The following LNP1 variants were observed in gnomAD, a reference collection of about 807,000 sequenced individuals.
LNP1 encodes leukemia NUP98 fusion partner 1.
Under a neutral mutation model 14.5 loss-of-function variants are expected in LNP1, and 12 were observed. The ratio of observed to expected loss-of-function variants is 0.83; its 90% CI spans 0.53 to 1.34. LNP1 has a LOEUF of 1.34. Among genes scored for constraint, LNP1 ranks in the 40% most tolerant of loss-of-function variants. LNP1 has a pLI of 0.00. For synonymous variants in LNP1, 75 were observed against 71.4 expected (o/e 1.05, Z -0.26); for missense variants, 198 against 210.9 (o/e 0.94, Z 0.38).
chr3:100,443,653 G>C (rs1330704464), intron 2 of LNP1, among the ~76,000 whole-genome samples: 1 of 152,114 alleles, frequency 6.6e-6, no homozygotes, highest in African/African-American at 2.4e-5. Context: ...ACAAGTTTGC[G>C]GCCAGTTTTC....
At chr3:100,424,025 C>T (rs1230454813) in intron 1 of LNP1, among the ~76,000 whole-genome samples, 5 of 152,024 alleles carry the variant, frequency 3.3e-5, no homozygotes, top group African/African-American at 9.7e-5. Context: ...TTTTGCTGCC[C>T]CATGTTTGTT....
intron 1 of LNP1, among the ~76,000 whole-genome samples, chr3:100,428,615 G>A (rs931428791): frequency 2.0e-5 from 3 of 151,604 alleles, no homozygotes; most frequent in African/African-American, 7.3e-5. Flanking sequence ...TTCCATAAAT[G>A]TAATATTCTC....
intron 1 of LNP1, among the ~76,000 whole-genome samples, chr3:100,429,474 A>C (rs1208699448): frequency 6.6e-6 from 1 of 152,236 alleles, no homozygotes. Context: ...AAAGCCTCTC[A>C]ATTTAAAAAG....
chr3:100,447,208 A>T (rs1373975033), intron 2 of LNP1, among the ~76,000 whole-genome samples: 1 of 152,260 alleles, frequency 6.6e-6, no homozygotes, highest in Non-Finnish European at 1.5e-5. Context: ...CCAAATGTCC[A>T]TCAGCGATAG....
intron 2 of LNP1, among the ~76,000 whole-genome samples, chr3:100,439,523 T>C (rs1034350701): frequency 6.6e-6 from 1 of 152,154 alleles, no homozygotes; most frequent in African/African-American, 2.4e-5. Flanking sequence ...AAGCAGTCCT[T>C]GTCCTCTAAC....
chr3:100,408,925 C>G (rs555724083), intron 1 of LNP1, among the ~76,000 whole-genome samples: 1 of 152,234 alleles, frequency 6.6e-6, no homozygotes, highest in Admixed American at 6.5e-5. Context: ...ACCTGGTTTC[C>G]TTAGCTCTCG....
At chr3:100,414,050 T>A (rs1707056972) in intron 1 of LNP1, among the ~76,000 whole-genome samples, 2 of 152,330 alleles carry the variant, frequency 1.3e-5, no homozygotes, top group South Asian at 4.1e-4. Context: ...AAAAATAGTT[T>A]CTGTAACTAT....
intron 1 of LNP1, among the ~76,000 whole-genome samples, chr3:100,415,691 C>T (rs902621149): frequency 2.6e-5 from 4 of 152,132 alleles, no homozygotes; most frequent in Admixed American, 6.5e-5. Context: ...AGGGCACCAT[C>T]GCTTGTAATA....
intron 2 of LNP1, among the ~76,000 whole-genome samples, chr3:100,439,517 AG>A (rs1185190648): frequency 2.0e-5 from 3 of 152,174 alleles, no homozygotes; most frequent in Non-Finnish European, 4.4e-5. Context: ...GGCAGAAAGC[AG>A]TCCTTGTCCT....
chr3:100,414,578 A>G (rs774500990), intron 1 of LNP1, among the ~76,000 whole-genome samples: 1 of 151,986 alleles, frequency 6.6e-6, no homozygotes, highest in Non-Finnish European at 1.5e-5. Context: ...CAAAGGGCAG[A>G]TGATCCTGCG....
At chr3:100,406,396 T>C (rs1393661212) in intron 1 of LNP1, among the ~76,000 whole-genome samples, 2 of 152,182 alleles carry the variant, frequency 1.3e-5, no homozygotes, top group Non-Finnish European at 2.9e-5. Context: ...GTTCATTTTG[T>C]ACAGCCAGAG....
In LNP1 at chr3:100,429,283, G is replaced by A. The variant is rs142770408; in HGVS notation, c.-33-414G>A. On this transcript the variant is annotated intron_variant, in intron 1 of 3. Coordinates refer to ENST00000383693, the MANE Select transcript of LNP1 (RefSeq NM_001085451.2). ...GTGGTCAGTCTGTTCCTTGTATGTG[G>A]CCCCATTTCAGAGCTTGCCTGGAGC... Among the ~76,000 whole-genome samples, 647 of 152,236 alleles carry A rather than the reference G, an allele frequency of 4.2e-3. 3 individuals are homozygous for A. The highest frequency in any genetic ancestry group is 0.015 in the African/African-American group (615 of 41,524).
intron 1 of LNP1, among the ~76,000 whole-genome samples, chr3:100,409,507 G>A (rs1418920311): frequency 6.7e-6 from 1 of 149,520 alleles, no homozygotes; most frequent in Non-Finnish European, 1.5e-5. Context: ...GCTGGGTGTG[G>A]TGGTGGGCGC....
At position 100,410,549 on chromosome 3, in the gene LNP1, A is replaced by G. The variant is rs554527658; in HGVS notation, c.-34+8110A>G. ...TTGGGTCCTCCTTGCTGCTTATAGTAAAATGCAAGAGGAGAGAGGTGAATT... is the reference window on the plus strand; with the variant it reads ...TTGGGTCCTCCTTGCTGCTTATAGTGAAATGCAAGAGGAGAGAGGTGAATT... On this transcript the variant is annotated intron_variant, in intron 1 of 3. Transcript: ENST00000383693. 5.9e-5 allele frequency among the ~76,000 whole-genome samples: 9 copies of G among 152,302 alleles called. No individual in the cohort carries two copies. In the South Asian group the frequency reaches 1.4e-3, roughly 25 times the overall value.
rs1231657023 is a variant in LNP1 at position 100,451,874 on chromosome 3, C to T, written c.312C>T (p.Ser104=). The change falls in exon 3 of 4, where the codon TCC becomes TCT. Residue 104 remains serine (S), a synonymous_variant. Transcript: ENST00000383693. ...AGCCACTGGAATCAAAAGGAAGATC[C>T]CATTCCAAAATTGAGAAATTTTCAG... ...FKEPLESKGR[S]HSKIEKFSES... 2 of 1,613,976 alleles carry T rather than the reference C, an allele frequency of 1.2e-6. No individual in the cohort carries two copies. Among genetic ancestry groups the T allele is most frequent in the African/African-American group, 1.3e-5 (1 of 74,920 alleles).
chr3:100,445,420 T>A (rs1707378336), intron 2 of LNP1, among the ~76,000 whole-genome samples: 2 of 152,154 alleles, frequency 1.3e-5, no homozygotes. Context: ...GCAGTTTATT[T>A]TGATTGGCAT....
At chr3:100,404,737 T>G (rs1706946689) in intron 1 of LNP1, among the ~76,000 whole-genome samples, 1 of 152,000 alleles carries the variant, frequency 6.6e-6, no homozygotes, top group Non-Finnish European at 1.5e-5. Flanking sequence ...TCCTGACTTT[T>G]GTCAAAAATA....
intron 1 of LNP1, among the ~76,000 whole-genome samples, chr3:100,426,505 G>T (rs181923388): frequency 6.6e-6 from 1 of 152,140 alleles, no homozygotes; most frequent in East Asian, 1.9e-4. Context: ...CTGTTTACAC[G>T]GTCAGATTTA....
intron 3 of LNP1, 28 bp from the exon 4 acceptor site, chr3:100,455,749 T>G (rs1257662802): frequency 1.2e-6 from 2 of 1,611,750 alleles, no homozygotes; most frequent in Admixed American, 1.7e-5. Flanking sequence ...TTGTGCATTT[T>G]TACCTGTTTC....
Sources: allele counts gnomAD v4.1 joint callset (sites outside exome capture counted in the v4.1 genomes callset), GRCh38; gene constraint gnomAD v4.1.1; transcripts MANE v1.5; gene names NCBI Gene and HGNC (gene_info 2026-07-23, HGNC 2026-07-21).